POSTN: variants seen among roughly 807,000 people sequenced by gnomAD.
POSTN encodes the protein periostin.
POSTN carries 71 observed loss-of-function variants against 104.5 expected under a neutral mutation model. That is an observed-to-expected ratio of 0.68 (90% CI 0.56 to 0.83). The LOEUF (loss-of-function observed/expected upper bound fraction) is 0.83, where lower values mean the gene tolerates loss of function less well. POSTN is among the 40% of genes least tolerant of loss of function. The probability of loss-of-function intolerance (pLI) is 0.00; values close to 1 mark genes in which losing one functional copy is unlikely to be tolerated. For synonymous variants in POSTN, 355 were observed against 340.7 expected, an observed-to-expected ratio of 1.04 and a Z score of -0.46; for missense variants, 949 against 1,006.8, an observed-to-expected ratio of 0.94 and a Z score of 0.78.
chr13:37,592,045 T>A, intron 3 of POSTN, 55 bp downstream of exon 3: 1 of 1,310,526 alleles, frequency 7.6e-7, no homozygotes, highest in Non-Finnish European at 1.1e-6. Flanking sequence ...ACAAGCCACC[T>A]CAACCCTTTC....
chr13:37,577,432 T>C (rs74046820), intron 16 of POSTN, among the ~76,000 whole-genome samples: 3,273 of 152,276 alleles, frequency 0.021, 113 homozygotes, highest in African/African-American at 0.073. Context: ...ATCTGAATTT[T>C]TAGATATTTC....
intron 20 of POSTN, 166 bp from the exon 21 acceptor site, chr13:37,569,549 A>G (rs1950202601): frequency 3.7e-6 from 3 of 800,800 alleles, no homozygotes; most frequent in Non-Finnish European, 6.4e-6. Context: ...ATTCTTATAA[A>G]GTTGTTGAAC....
At chr13:37,578,090 A>T (rs1950467531) in intron 15 of POSTN, among the ~76,000 whole-genome samples, 1 of 152,190 alleles carries the variant, frequency 6.6e-6, no homozygotes, top group Non-Finnish European at 1.5e-5. Context: ...CTACATTGAA[A>T]AAGAAGAAAA....
Position 37,579,310 on chromosome 13 carries a change from T to C in POSTN, c.1710A>G (p.Gly570=). 6.3e-7 allele frequency: 1 copy of C among 1,599,556 alleles called. No homozygotes were observed. The highest frequency in any genetic ancestry group is 8.6e-7 in the Non-Finnish European group (1 of 1,166,838). ...QNIILYHLTP[G]VFIGKGFEPG... ...GTTCAAATCCTTTTCCAATGAAAAC[T>C]CCTGGTGTCAGGTGATAAAGAATGA... Residue 570 remains glycine, a synonymous_variant, in exon 13 of 23, where the codon GGA becomes GGG. Coordinates refer to ENST00000379747, the MANE Select transcript of POSTN (RefSeq NM_006475.3).
chr13:37,585,074 T>A (rs1950705087), intron 7 of POSTN, 146 bp from the exon 8 acceptor site: 1 of 1,390,664 alleles, frequency 7.2e-7, no homozygotes, highest in Middle Eastern at 2.1e-4. Flanking sequence ...ATCCTATTTA[T>A]GTTCTAAAAG....
At chr13:37,577,200 G>T (rs556455704) in intron 16 of POSTN, among the ~76,000 whole-genome samples, 21 of 152,292 alleles carry the variant, frequency 1.4e-4, no homozygotes, top group African/African-American at 4.8e-4. Flanking sequence ...TAATCTGGTT[G>T]TGTCAGAGAT....
chr13:37,583,836 C>T, intron 9 of POSTN, 133 bp downstream of exon 9: 1 of 1,040,768 alleles, frequency 9.6e-7, no homozygotes, highest in South Asian at 1.8e-5. Context: ...AGTGTTAACA[C>T]ATTGTATGTG....
intron 6 of POSTN, 140 bp downstream of exon 6, chr13:37,586,642 T>C (rs909465961): frequency 2.6e-6 from 2 of 769,690 alleles, no homozygotes; most frequent in Admixed American, 5.9e-5. Flanking sequence ...GTTTCTTCTG[T>C]GTAAAATGAA....
In POSTN at chr13:37,579,295, T is replaced by G. The variant is rs1015064368; in HGVS notation, c.1725A>C (p.Lys575Asn). 8 of 1,604,954 alleles carry G rather than the reference T, an allele frequency of 5.0e-6. No individual in the cohort carries two copies. Among genetic ancestry groups the G allele is most frequent in the Non-Finnish European group, 6.8e-6 (8 of 1,171,792 alleles). ...TGTTAGTAACACCAGGTTCAAATCC[T>G]TTTCCAATGAAAACTCCTGGTGTCA... ...YHLTPGVFIG[K>N]GFEPGVTNIL... Residue 575 changes from lysine (K) to asparagine (N), a missense_variant, in exon 13 of 23, where the codon AAA becomes AAC. Physicochemically the swap from Lys to Asn is moderately conservative, Grantham distance 94. Transcript: ENST00000379747.
At chr13:37,568,528 C>T (rs1032012404) in intron 21 of POSTN, among the ~76,000 whole-genome samples, 1 of 151,870 alleles carries the variant, frequency 6.6e-6, no homozygotes, top group African/African-American at 2.4e-5. Flanking sequence ...AATATAAATA[C>T]ATGTTTCACA....
At chr13:37,586,384 A>G (rs1475225099) in intron 6 of POSTN, 104 bp from the exon 7 acceptor site, 4 of 1,210,220 alleles carry the variant, frequency 3.3e-6, no homozygotes, top group African/African-American at 3.1e-5. Flanking sequence ...TTCCTACACT[A>G]TAGAGGTTTG....
At chr13:37,589,576 A>G (rs947310272) in intron 4 of POSTN, among the ~76,000 whole-genome samples, 2 of 151,958 alleles carry the variant, frequency 1.3e-5, no homozygotes, top group African/African-American at 4.8e-5. Context: ...TCAATTCTTT[A>G]AGGCAAGGAA....
intron 7 of POSTN, among the ~76,000 whole-genome samples, 187 bp from the exon 8 acceptor site, chr13:37,585,115 G>C (rs1393516978): frequency 6.6e-6 from 1 of 152,180 alleles, no homozygotes; most frequent in Non-Finnish European, 1.5e-5. Flanking sequence ...AATAGAAACA[G>C]CTCAGCTTCG....
Position 37,583,899 on chromosome 13 carries a change from TGCAA to T in POSTN, c.1243+66_1243+69del. 3 of 1,534,082 alleles carry T rather than the reference TGCAA, an allele frequency of 2.0e-6. No individual in the cohort carries two copies. In the South Asian group the frequency reaches 3.8e-5, roughly 19 times the overall value. On this transcript the variant is annotated intron_variant, in intron 9 of 22. Transcript: ENST00000379747. Reference sequence around the variant, plus strand: ...TCCTAAAACATTTATTGTTTCTTATTGCAAACAATCATCATAAAGAAAAAAAGGT... The same window carrying T: ...TCCTAAAACATTTATTGTTTCTTATTACAATCATCATAAAGAAAAAAAGGT...
Position 37,584,048 on chromosome 13 carries a change from C to G in POSTN, c.1164G>C (p.Val388=), listed in dbSNP as rs1289699181. 1.2e-6 allele frequency: 2 copies of G among 1,613,914 alleles called. No individual in the cohort carries two copies. The highest frequency in any genetic ancestry group is 3.3e-5 in the Admixed American group (2 of 59,974). Residue 388 remains valine, a synonymous_variant, in exon 9 of 23, where the codon GTG becomes GTC. Coordinates refer to ENST00000379747, the MANE Select transcript of POSTN (RefSeq NM_006475.3). ...GAGCAGATGCCAAGCCTAATTGGGCCACAAGATCCGTGAAGGTGGTTTGCT... is the reference window on the plus strand; with the variant it reads ...GAGCAGATGCCAAGCCTAATTGGGCGACAAGATCCGTGAAGGTGGTTTGCT... ...GKQQTTFTDL[V]AQLGLASALR...
intron 17 of POSTN, among the ~76,000 whole-genome samples, chr13:37,572,509 A>G (rs1950290576): frequency 6.6e-6 from 1 of 151,644 alleles, no homozygotes; most frequent in Non-Finnish European, 1.5e-5. Context: ...GAATTTAAGA[A>G]CCAAAAATGC....
chr13:37,579,640 A>G (rs959344176), intron 12 of POSTN, among the ~76,000 whole-genome samples: 9 of 152,224 alleles, frequency 5.9e-5, no homozygotes, highest in South Asian at 4.1e-4. Context: ...TAGAAACCAC[A>G]TAAGTGAACA....
chr13:37,582,446 C>A lies in POSTN; in HGVS notation c.1312G>T (p.Val438Phe), dbSNP rs1462039542. 5.6e-6 allele frequency: 9 copies of A among 1,613,624 alleles called. No individual in the cohort carries two copies. The East Asian group carries it at 6.7e-5, about 12-fold the overall frequency. Residue 438 changes from valine (V) to phenylalanine (F), a missense_variant, in exon 10 of 23, where the codon GTT (valine) becomes TTT (phenylalanine). Transcript: ENST00000379747. Reference sequence around the variant, plus strand: ...CCGTTGTAAAGCTCATTAAGGCCAACTTTTACTTTCAATATGTGATTCTGC... The same window carrying A: ...CCGTTGTAAAGCTCATTAAGGCCAAATTTTACTTTCAATATGTGATTCTGC... ...ILQNHILKVK[V>F]GLNELYNGQI... is the part of the protein sequence containing the mutation.
At chr13:37,590,338 A>G (rs1363314698) in intron 4 of POSTN, 34 bp downstream of exon 4, 2 of 1,472,504 alleles carry the variant, frequency 1.4e-6, no homozygotes, top group Admixed American at 2.4e-5. Flanking sequence ...AATAACAGCA[A>G]AAAATAAATA....
Sources: gnomAD v4.1 joint callset for allele counts (sites outside exome capture counted in the v4.1 genomes callset) on GRCh38, gnomAD v4.1.1 for gene constraint, MANE v1.5 for transcripts, NCBI Gene and HGNC (gene_info 2026-07-23, HGNC 2026-07-21) for gene names.